Variants in CDH18 observed in about 807,000 individuals in gnomAD.
The protein encoded by CDH18 is cadherin 18.
A neutral mutation model predicts 67.9 loss-of-function variants in CDH18; 31 were observed. That is an observed-to-expected ratio of 0.46 (90% CI 0.34 to 0.62). CDH18 has a LOEUF of 0.62. CDH18 is among the 20% of genes least tolerant of loss of function. CDH18 has a pLI of 0.01. For synonymous variants in CDH18, 362 were observed against 347.2 expected (o/e 1.04, Z -0.48); for missense variants, 890 against 975.5 (o/e 0.91, Z 1.17).
intron 1 of CDH18, among the ~76,000 whole-genome samples, chr5:20,392,415 C>G (rs982272944): frequency 2.6e-5 from 4 of 151,702 alleles, no homozygotes; most frequent in Admixed American, 1.3e-4. Context: ...CCAATGGTCC[C>G]TATCTCTTAA....
chr5:19,729,609 G>A (rs911049445), intron 4 of CDH18, among the ~76,000 whole-genome samples: 16 of 152,164 alleles, frequency 1.1e-4, no homozygotes, highest in African/African-American at 3.9e-4. Flanking sequence ...GAAAGGCCGA[G>A]GCGGTAAGTC....
At position 20,431,586 on chromosome 5, in the gene CDH18, A is replaced by T. The variant is rs150811436; in HGVS notation, c.-580+143876T>A. ...CAACCAGCCTATTGGTTATACAACT[A>T]GGAATCTTCCATCAGACCATATCCA... is the stretch of plus-strand genomic sequence containing the variant. On this transcript the variant is annotated intron_variant, in intron 1 of 14. Coordinates refer to the CDH18 transcript ENST00000507958. 7.7e-3 allele frequency among the ~76,000 whole-genome samples: 1,172 copies of T among 152,244 alleles called. 39 individuals are homozygous for T. Among genetic ancestry groups the T allele is most frequent in the Admixed American group, 0.046 (702 of 15,286 alleles).
chr5:19,977,798 T>C (rs1327663807), intron 2 of CDH18, among the ~76,000 whole-genome samples: 1 of 152,164 alleles, frequency 6.6e-6, no homozygotes, highest in Non-Finnish European at 1.5e-5. Flanking sequence ...GGATAAATTT[T>C]TCCCTATTTA....
chr5:20,266,074 C>T (rs930062135), intron 1 of CDH18, among the ~76,000 whole-genome samples: 5 of 152,170 alleles, frequency 3.3e-5, no homozygotes, highest in African/African-American at 1.2e-4. Flanking sequence ...TGGGCTGTGA[C>T]TTACACCATT....
At chr5:19,584,807 A>AAAAAAAAAG in intron 7 of CDH18, among the ~76,000 whole-genome samples, 3 of 148,462 alleles carry the variant, frequency 2.0e-5, no homozygotes, top group South Asian at 2.1e-4. Context: ...AAAAAAAAAA[A>AAAAAAAAAG]AAAAAGAAAA....
chr5:19,499,951 T>C (rs1742969732), intron 11 of CDH18, among the ~76,000 whole-genome samples: 1 of 152,210 alleles, frequency 6.6e-6, no homozygotes, highest in Non-Finnish European at 1.5e-5. Context: ...CAATACAGAC[T>C]TTCATGTGAG....
chr5:20,408,955 C>T (rs924428447), intron 1 of CDH18, among the ~76,000 whole-genome samples: 1 of 151,630 alleles, frequency 6.6e-6, no homozygotes, highest in Non-Finnish European at 1.5e-5. Flanking sequence ...ACGTTAAAAA[C>T]AACTGCAAAC....
intron 1 of CDH18, among the ~76,000 whole-genome samples, chr5:20,505,788 A>T (rs533054877): frequency 2.0e-5 from 3 of 152,310 alleles, no homozygotes; most frequent in Admixed American, 2.0e-4. Flanking sequence ...TTTCCCATGA[A>T]AGTAAAGAAG....
intron 2 of CDH18, among the ~76,000 whole-genome samples, chr5:20,210,867 GA>G (rs1740298691): frequency 6.6e-6 from 1 of 151,886 alleles, no homozygotes; most frequent in African/African-American, 2.4e-5. Context: ...ACATTCTGCT[GA>G]GTAATGACTA....
chr5:20,350,293 A>C (rs1229991033), intron 1 of CDH18, among the ~76,000 whole-genome samples: 2 of 152,156 alleles, frequency 1.3e-5, no homozygotes, highest in Non-Finnish European at 2.9e-5. Context: ...TGAAGTATGA[A>C]TCAGTGATTT....
rs552954428 is a variant in CDH18, at chr5:20,440,211, A to T, written c.-580+135251T>A. 5.3e-5 allele frequency among the ~76,000 whole-genome samples: 8 copies of T among 151,968 alleles called. No individual in the cohort carries two copies. In the South Asian group the frequency reaches 1.4e-3, roughly 28 times the overall value. ...CATAGCATTAGATCCTAGGAGAAGA[A>T]TGATAAGACTGAGGCCATGATCTGA... On this transcript the variant is annotated intron_variant, in intron 1 of 14. Transcript: ENST00000507958.
chr5:19,783,262 C>T (rs1451762332), intron 3 of CDH18, among the ~76,000 whole-genome samples: 3 of 152,094 alleles, frequency 2.0e-5, no homozygotes, highest in Non-Finnish European at 4.4e-5. Flanking sequence ...TTTCACATCC[C>T]AGTTCCACCA....
At chr5:20,146,420 C>A (rs1561828832) in intron 2 of CDH18, among the ~76,000 whole-genome samples, 1 of 151,878 alleles carries the variant, frequency 6.6e-6, no homozygotes, top group African/African-American at 2.4e-5. Flanking sequence ...ACTATCACAA[C>A]CTGAAATTTA....
rs531908894 is a variant in CDH18, at chr5:19,727,730, AAT to A, written c.524-6266_524-6265del. On this transcript the variant is annotated intron_variant, in intron 4 of 12. Coordinates refer to ENST00000382275, the MANE Select transcript of CDH18 (RefSeq NM_004934.5). ...TATGAAGTTAAAAGTCAAGAAAAAA[AAT>A]ATCTGTAATTGTGTATTATGTTTGC... is the stretch of plus-strand genomic sequence containing the variant. Among the ~76,000 whole-genome samples the A allele has an allele frequency of 6.0e-4, 91 of 152,318 alleles. No homozygotes were observed. The South Asian group carries it at 0.017, about 28-fold the overall frequency.
At chr5:19,774,573 G>A (rs1774099581) in intron 3 of CDH18, among the ~76,000 whole-genome samples, 1 of 151,106 alleles carries the variant, frequency 6.6e-6, no homozygotes, top group African/African-American at 2.4e-5. Flanking sequence ...TGTAATCCCA[G>A]CACTTTGGGA....
chr5:19,858,345 A>G (rs1227855543), intron 2 of CDH18, among the ~76,000 whole-genome samples: 1 of 152,162 alleles, frequency 6.6e-6, no homozygotes, highest in Non-Finnish European at 1.5e-5. Context: ...CAGACCTAAA[A>G]AGTTGCTGGA....
chr5:19,926,254 T>A (rs2150184022), intron 2 of CDH18, among the ~76,000 whole-genome samples: 1 of 152,302 alleles, frequency 6.6e-6, no homozygotes, highest in East Asian at 1.9e-4. Context: ...TCAGTGATTT[T>A]AATTTCACTG....
At chr5:20,446,308 G>C (rs1038693545) in intron 1 of CDH18, among the ~76,000 whole-genome samples, 1 of 152,028 alleles carries the variant, frequency 6.6e-6, no homozygotes, top group African/African-American at 2.4e-5. Flanking sequence ...AACCTAGGTG[G>C]GCCAGGGGCT....
intron 1 of CDH18, among the ~76,000 whole-genome samples, chr5:20,393,253 T>C (rs1410311263): frequency 6.6e-6 from 1 of 151,982 alleles, no homozygotes; most frequent in Non-Finnish European, 1.5e-5. Context: ...CAATGCTTTT[T>C]CAGTGGGGAC....
Sources: gnomAD v4.1 joint callset for allele counts (sites outside exome capture counted in the v4.1 genomes callset) on GRCh38, gnomAD v4.1.1 for gene constraint, MANE v1.5 for transcripts, NCBI Gene and HGNC (gene_info 2026-07-23, HGNC 2026-07-21) for gene names.